NRG3: variants seen among roughly 807,000 people sequenced by gnomAD.
NRG3 encodes pro-neuregulin-3, membrane-bound isoform.
A neutral mutation model predicts 66.9 loss-of-function variants in NRG3; 31 were observed. The observed-to-expected ratio is 0.46, with a 90% CI of 0.35 to 0.63. The LOEUF (loss-of-function observed/expected upper bound fraction) is 0.63. Ranked by LOEUF, NRG3 falls within the 20% of genes least tolerant of loss-of-function variation. The pLI is 0.00. For missense variants in NRG3, 910 were observed against 878.9 expected, an observed-to-expected ratio of 1.04 and a Z score of -0.45; for synonymous variants, 393 against 359.4, an observed-to-expected ratio of 1.09 and a Z score of -1.06.
rs189897827 is a variant in NRG3, at chr10:82,974,681, C to G, written c.1412+766C>G. ...TCTTAGTGAAATGTACAATATTTTA[C>G]AATTTGAAAAAATTATGAAAAATTA... is the stretch of plus-strand genomic sequence containing the variant. On this transcript the variant is annotated intron_variant, in intron 7 of 8. Transcript: ENST00000372141. 1.5e-4 allele frequency among the ~76,000 whole-genome samples: 23 copies of G among 152,198 alleles called. No homozygotes were observed. In the East Asian group the frequency reaches 4.1e-3, roughly 27 times the overall value.
At chr10:82,130,765 T>G (rs532128469) in intron 1 of NRG3, among the ~76,000 whole-genome samples, 1 of 152,294 alleles carries the variant, frequency 6.6e-6, no homozygotes, top group South Asian at 2.1e-4. Flanking sequence ...TCATTGTAGT[T>G]TTGATTTGCA....
At chr10:82,554,570 T>C (rs2044527513) in intron 2 of NRG3, among the ~76,000 whole-genome samples, 1 of 152,164 alleles carries the variant, frequency 6.6e-6, no homozygotes, top group Admixed American at 6.6e-5. Context: ...AGATGGCCTT[T>C]CCTGAAGGCT....
intron 2 of NRG3, among the ~76,000 whole-genome samples, chr10:82,634,847 T>C (rs1278994557): frequency 6.6e-6 from 1 of 152,190 alleles, no homozygotes. Context: ...GTTACATTGT[T>C]ATAAATTGTA....
chr10:82,350,013 A>G (rs1312435403), intron 1 of NRG3, among the ~76,000 whole-genome samples: 1 of 152,118 alleles, frequency 6.6e-6, no homozygotes, highest in Non-Finnish European at 1.5e-5. Flanking sequence ...AAATGCGGAA[A>G]TCACCGTCTT....
intron 2 of NRG3, among the ~76,000 whole-genome samples, chr10:82,412,572 G>A (rs943031168): frequency 1.3e-5 from 2 of 152,110 alleles, no homozygotes; most frequent in African/African-American, 4.8e-5. Flanking sequence ...CTGAAGGTTA[G>A]GGTGGCTTTG....
rs554930949 is a variant in NRG3, at chr10:82,266,449, C to T, written c.824-92290C>T. On this transcript the variant is annotated intron_variant, in intron 1 of 8. Transcript: ENST00000372141. ...ACCTTCCTGTGAGCAGTACTGAAGGCTGGGGAAGACAAGCCTCAATAACTT... is the reference window on the plus strand; with the variant it reads ...ACCTTCCTGTGAGCAGTACTGAAGGTTGGGGAAGACAAGCCTCAATAACTT... Among the ~76,000 whole-genome samples the T allele has an allele frequency of 3.0e-4, 45 of 152,236 alleles. No individual in the cohort carries two copies. The South Asian group carries it at 8.9e-3, about 30-fold the overall frequency.
rs1289850152 is a variant in NRG3, at chr10:82,486,772, A to G, written c.953+127904A>G. ...AATGGAGGAAATTCTGTCAAATGCT[A>G]TAACATGGATCAACTTTGAGGGCAT... On this transcript the variant is annotated intron_variant, in intron 2 of 8. Transcript: ENST00000372141. Among the ~76,000 whole-genome samples the G allele has an allele frequency of 2.0e-5, 3 of 152,290 alleles. No individual in the cohort carries two copies. The East Asian group carries it at 5.8e-4, about 29-fold the overall frequency.
At chr10:82,122,138 C>T (rs942323055) in intron 1 of NRG3, among the ~76,000 whole-genome samples, 1 of 152,128 alleles carries the variant, frequency 6.6e-6, no homozygotes, top group Non-Finnish European at 1.5e-5. Flanking sequence ...AATTCACACA[C>T]GTATTTAGAA....
At chr10:81,992,996 G>T (rs1205907917) in intron 1 of NRG3, among the ~76,000 whole-genome samples, 11 of 152,136 alleles carry the variant, frequency 7.2e-5, no homozygotes, top group Admixed American at 7.2e-4. Context: ...TTTTAGAATA[G>T]ATATTTCTAG....
intron 1 of NRG3, among the ~76,000 whole-genome samples, chr10:82,349,330 G>A (rs1247177348): frequency 2.6e-5 from 4 of 152,138 alleles, no homozygotes; most frequent in Admixed American, 6.6e-5. Context: ...TGCCTTGTGA[G>A]ATGTCAGTGT....
rs561568682 is a variant in NRG3 at position 82,094,660 on chromosome 10, A to T, written c.823+218497A>T. On this transcript the variant is annotated intron_variant, in intron 1 of 8. Coordinates refer to ENST00000372141, the MANE Select transcript of NRG3 (RefSeq NM_001010848.4). ...TATATCTGTCACATTTCATGGCGAG[A>T]TATATATATCACATTTCATGGTGTA... Among the ~76,000 whole-genome samples, 3 of 152,272 alleles carry T rather than the reference A, an allele frequency of 2.0e-5. No homozygotes were observed. In the East Asian group the frequency reaches 5.8e-4, roughly 29 times the overall value.
At chr10:82,061,872 A>ATCTCTCTC (rs1564782372) in intron 1 of NRG3, among the ~76,000 whole-genome samples, 82 of 127,710 alleles carry the variant, frequency 6.4e-4, no homozygotes, top group Non-Finnish European at 9.5e-4. Flanking sequence ...CACACACACA[A>ATCTCTCTC]ACACACACAC....
At chr10:81,989,437 A>AGAAGAAATAGC (rs1449073606) in intron 1 of NRG3, among the ~76,000 whole-genome samples, 1 of 152,156 alleles carries the variant, frequency 6.6e-6, no homozygotes, top group Non-Finnish European at 1.5e-5. Flanking sequence ...CGACAGAGAA[A>AGAAGAAATAGC]GAAGAAATAG....
chr10:82,518,063 C>A (rs1845864410), intron 2 of NRG3, among the ~76,000 whole-genome samples: 1 of 152,064 alleles, frequency 6.6e-6, no homozygotes, highest in East Asian at 1.9e-4. Context: ...GCTTTAGATT[C>A]ATTTTTCAAC....
At chr10:82,708,235 A>G (rs763629664) in intron 2 of NRG3, among the ~76,000 whole-genome samples, 4 of 152,034 alleles carry the variant, frequency 2.6e-5, no homozygotes, top group Non-Finnish European at 4.4e-5. Context: ...AGTGTTTTGT[A>G]TGATATATCC....
At chr10:82,213,358 CAT>C (rs1366933440) in intron 1 of NRG3, among the ~76,000 whole-genome samples, 1 of 152,176 alleles carries the variant, frequency 6.6e-6, no homozygotes, top group Non-Finnish European at 1.5e-5. Context: ...CATCTGACCT[CAT>C]AGTCAAAACA....
At chr10:82,470,753 C>T (rs902209051) in intron 2 of NRG3, among the ~76,000 whole-genome samples, 4 of 152,220 alleles carry the variant, frequency 2.6e-5, no homozygotes, top group African/African-American at 9.6e-5. Context: ...GGGTTCAGCT[C>T]AGCAATCCTT....
At chr10:81,911,155 C>G (rs1348016618) in intron 1 of NRG3, among the ~76,000 whole-genome samples, 1 of 152,118 alleles carries the variant, frequency 6.6e-6, no homozygotes, top group Non-Finnish European at 1.5e-5. Flanking sequence ...GTTGGTGAAC[C>G]TTACTGCTAT....
intron 2 of NRG3, among the ~76,000 whole-genome samples, chr10:82,519,408 T>C (rs1196221352): frequency 1.3e-5 from 2 of 152,136 alleles, no homozygotes; most frequent in Non-Finnish European, 2.9e-5. Context: ...ATATAGCAGA[T>C]TGTTCTGAAA....
Sources: allele counts gnomAD v4.1 joint callset (sites outside exome capture counted in the v4.1 genomes callset), GRCh38; gene constraint gnomAD v4.1.1; transcripts MANE v1.5; gene names NCBI Gene and HGNC (gene_info 2026-07-23, HGNC 2026-07-21).